Variants in HS3ST5 observed in about 807,000 individuals in gnomAD.
HS3ST5 encodes heparan sulfate-glucosamine 3-sulfotransferase 5.
A neutral mutation model predicts 25.4 loss-of-function variants in HS3ST5; 10 were observed. That is an observed-to-expected ratio of 0.39 (90% CI 0.24 to 0.67). The LOEUF (loss-of-function observed/expected upper bound fraction) is 0.67. HS3ST5 is among the 30% of genes least tolerant of loss of function. The pLI, the probability that HS3ST5 is intolerant of heterozygous loss-of-function variation, is 0.44. For synonymous variants in HS3ST5, 170 were observed against 162.4 expected (o/e 1.05, Z -0.36); for missense variants, 324 against 420.7 (o/e 0.77, Z 2.01).
At chr6:114,115,896 G>A (rs1391214122) in intron 3 of HS3ST5, among the ~76,000 whole-genome samples, 1 of 151,906 alleles carries the variant, frequency 6.6e-6, no homozygotes, top group Non-Finnish European at 1.5e-5. Context: ...GGTTAGTGAG[G>A]TCATGTTGAT....
chr6:114,298,021 G>C (rs1233460354), intron 1 of HS3ST5, among the ~76,000 whole-genome samples: 1 of 152,140 alleles, frequency 6.6e-6, no homozygotes, highest in African/African-American at 2.4e-5. Context: ...TGCTGTGACT[G>C]CCATGAATAA....
intron 1 of HS3ST5, among the ~76,000 whole-genome samples, chr6:114,341,660 G>T (rs544228647): frequency 6.6e-6 from 1 of 151,592 alleles, no homozygotes; most frequent in Non-Finnish European, 1.5e-5. Flanking sequence ...GTGTGGGGGG[G>T]GCCAGCTGGG....
intron 1 of HS3ST5, among the ~76,000 whole-genome samples, chr6:114,305,336 T>C (rs1329951328): frequency 6.6e-6 from 1 of 152,162 alleles, no homozygotes; most frequent in African/African-American, 2.4e-5. Context: ...AAGTAAAAGT[T>C]CAAATTTGAA....
intron 3 of HS3ST5, among the ~76,000 whole-genome samples, chr6:114,126,064 G>A (rs920991645): frequency 6.6e-5 from 10 of 152,116 alleles, no homozygotes; most frequent in African/African-American, 2.4e-5. Flanking sequence ...TTATATTCTT[G>A]TTCTTTCTTC....
At chr6:114,337,805 CAGAGT>C (rs1254576322) in intron 1 of HS3ST5, among the ~76,000 whole-genome samples, 1 of 152,086 alleles carries the variant, frequency 6.6e-6, no homozygotes, top group Non-Finnish European at 1.5e-5. Context: ...TATTCAAGAG[CAGAGT>C]AGACTACCTG....
At position 114,286,778 on chromosome 6, in the gene HS3ST5, A is replaced by T. The variant is rs531890004; in HGVS notation, c.-339+55417T>A. Among the ~76,000 whole-genome samples the T allele has an allele frequency of 2.0e-5, 3 of 152,160 alleles. No individual in the cohort carries two copies. The East Asian group carries it at 5.8e-4, about 30-fold the overall frequency. ...ACGAAATAAGTAATTAATTTTAAAA[A>T]GAAACCTATGAAGTTACAACAAATG... On this transcript the variant is annotated intron_variant, in intron 1 of 4. Coordinates refer to ENST00000312719, the MANE Select transcript of HS3ST5 (RefSeq NM_153612.4).
At chr6:114,319,445 T>C (rs956984354) in intron 1 of HS3ST5, among the ~76,000 whole-genome samples, 1 of 152,170 alleles carries the variant, frequency 6.6e-6, no homozygotes, top group Non-Finnish European at 1.5e-5. Flanking sequence ...TCTATGGCTA[T>C]GTCTTGCTGA....
intron 1 of HS3ST5, among the ~76,000 whole-genome samples, chr6:114,297,202 G>A (rs944277246): frequency 6.6e-6 from 1 of 151,966 alleles, no homozygotes; most frequent in East Asian, 1.9e-4. Flanking sequence ...TACTATATAT[G>A]AGTGTTTTTT....
intron 1 of HS3ST5, among the ~76,000 whole-genome samples, chr6:114,289,433 A>C (rs1262708016): frequency 5.9e-5 from 9 of 152,166 alleles, no homozygotes; most frequent in Non-Finnish European, 8.8e-5. Context: ...TAAAATTTAA[A>C]GACATCCCAC....
chr6:114,276,632 A>C (rs1053264999), intron 1 of HS3ST5, among the ~76,000 whole-genome samples: 2 of 151,240 alleles, frequency 1.3e-5, no homozygotes, highest in Non-Finnish European at 1.5e-5. Flanking sequence ...ACAAAAAAAC[A>C]AAAAAACTCT....
chr6:114,170,140 A>G (rs1779409845), intron 2 of HS3ST5, among the ~76,000 whole-genome samples: 1 of 152,102 alleles, frequency 6.6e-6, no homozygotes, highest in South Asian at 2.1e-4. Flanking sequence ...AAAATTTATC[A>G]GTTATTTATT....
intron 1 of HS3ST5, among the ~76,000 whole-genome samples, chr6:114,327,422 T>C (rs1005983391): frequency 6.6e-6 from 1 of 152,214 alleles, no homozygotes; most frequent in Non-Finnish European, 1.5e-5. Context: ...CAAATTAGTT[T>C]GAGGATCAAT....
intron 1 of HS3ST5, chr6:114,340,437 T>G (rs375216443): frequency 8.5e-5 from 13 of 152,354 alleles, no homozygotes; most frequent in African/African-American, 2.6e-4. Flanking sequence ...TTTTCACTGT[T>G]AAAACACTGG....
intron 2 of HS3ST5, chr6:114,179,256 T>TG (rs1779855252): frequency 6.6e-6 from 1 of 152,230 alleles, no homozygotes; most frequent in African/African-American, 2.4e-5. Flanking sequence ...AATAATTATT[T>TG]GGGGTATGAA....
intron 3 of HS3ST5, among the ~76,000 whole-genome samples, chr6:114,159,092 C>A (rs1221039840): frequency 1.3e-5 from 2 of 152,160 alleles, no homozygotes; most frequent in African/African-American, 2.4e-5. Flanking sequence ...AAATTATTTA[C>A]CCAATTCTTC....
At chr6:114,199,457 A>G (rs1294262932) in intron 2 of HS3ST5, among the ~76,000 whole-genome samples, 2 of 152,204 alleles carry the variant, frequency 1.3e-5, no homozygotes, top group East Asian at 3.8e-4. Context: ...GAAATGTTGC[A>G]AAACATATTT....
chr6:114,187,540 G>A (rs1582695177), intron 2 of HS3ST5, among the ~76,000 whole-genome samples: 1 of 152,224 alleles, frequency 6.6e-6, no homozygotes, highest in South Asian at 2.1e-4. Context: ...TTGAACGGAT[G>A]AGGAGTTGCT....
At chr6:114,292,712 T>C (rs1226307391) in intron 1 of HS3ST5, among the ~76,000 whole-genome samples, 1 of 152,220 alleles carries the variant, frequency 6.6e-6, no homozygotes, top group Non-Finnish European at 1.5e-5. Context: ...CATCCTTCAG[T>C]ATCCACAGGG....
At chr6:114,105,930 T>C (rs1247300341) in intron 3 of HS3ST5, among the ~76,000 whole-genome samples, 1 of 152,178 alleles carries the variant, frequency 6.6e-6, no homozygotes, top group Non-Finnish European at 1.5e-5. Context: ...ACATGTTCTT[T>C]TACAAATGGA....
Sources: allele counts gnomAD v4.1 joint callset (sites outside exome capture counted in the v4.1 genomes callset), GRCh38; gene constraint gnomAD v4.1.1; transcripts MANE v1.5; gene names NCBI Gene and HGNC (gene_info 2026-07-23, HGNC 2026-07-21).